Variants in PLSCR4 observed in about 807,000 individuals in gnomAD.
PLSCR4 encodes the protein phospholipid scramblase 4, also known as Ca(2+)-dependent phospholipid scramblase 4.
Under a neutral mutation model 36.3 loss-of-function variants are expected in PLSCR4, and 25 were observed. That is an observed-to-expected ratio of 0.69 (90% CI 0.50 to 0.96). The LOEUF (loss-of-function observed/expected upper bound fraction) is 0.96, where lower values mean the gene tolerates loss of function less well. Ranked by LOEUF, PLSCR4 falls within the 40% of genes least tolerant of loss-of-function variation. The probability of loss-of-function intolerance (pLI) is 0.00; values close to 1 mark genes in which losing one functional copy is unlikely to be tolerated. For synonymous variants in PLSCR4, 122 were observed against 132.9 expected (o/e 0.92, Z 0.56); for missense variants, 408 against 414.7 (o/e 0.98, Z 0.14).
Position 146,195,112 on chromosome 3 carries a change from T to G in PLSCR4, c.945+12A>C, listed in dbSNP as rs375806529. 303 of 1,612,304 alleles carry G rather than the reference T, an allele frequency of 1.9e-4. 3 individuals carry two copies. In the South Asian group the frequency reaches 2.6e-3, roughly 14 times the overall value. On this transcript the variant is annotated intron_variant, in intron 8 of 8. Transcript: ENST00000354952. ...CAACTCTCTCAGGATAACTCAAAAA[T>G]AGAAGGCTTACAATGAGGAAGCAAG...
chr3:146,212,384 T>C (rs748921484), intron 3 of PLSCR4, among the ~76,000 whole-genome samples: 6 of 151,768 alleles, frequency 4.0e-5, no homozygotes, highest in Non-Finnish European at 8.8e-5. Flanking sequence ...CCTAACACAC[T>C]GCTGAACTTG....
At chr3:146,239,383 T>C (rs2036050620) in intron 1 of PLSCR4, among the ~76,000 whole-genome samples, 1 of 152,082 alleles carries the variant, frequency 6.6e-6, no homozygotes, top group Admixed American at 6.6e-5. Context: ...AATAGACATA[T>C]AGACCAAAGG....
At chr3:146,224,015 G>A (rs1201384218) in intron 1 of PLSCR4, among the ~76,000 whole-genome samples, 1 of 149,918 alleles carries the variant, frequency 6.7e-6, no homozygotes, top group Non-Finnish European at 1.5e-5. Flanking sequence ...ACCCAATTCT[G>A]GGCCAGTAAA....
chr3:146,199,909 G>C lies in PLSCR4; in HGVS notation c.528C>G (p.Leu176=). The C allele has an allele frequency of 4.3e-6, 7 of 1,613,622 alleles. No homozygotes were observed. The highest frequency in any genetic ancestry group is 5.9e-6 in the Non-Finnish European group (7 of 1,179,778). ...CTCGGCCCATACAATCAGTGACCCG[G>C]AGGACGAAGGGCCTTAGTGTCCGAT... The part of the protein sequence containing the change: ...NAYRTLRPFV[L]RVTDCMGREI... Residue 176 remains leucine, a synonymous_variant, in exon 6 of 9, where the codon CTC becomes CTG. Coordinates refer to ENST00000354952, the MANE Select transcript of PLSCR4 (RefSeq NM_020353.3).
intron 1 of PLSCR4, among the ~76,000 whole-genome samples, chr3:146,226,165 C>T (rs1576481679): frequency 6.6e-6 from 1 of 152,178 alleles, no homozygotes; most frequent in African/African-American, 2.4e-5. Context: ...CCACAAGGAA[C>T]CCTAAGTTCC....
In PLSCR4 at chr3:146,195,228, C is replaced by G. The variant is rs201600148; in HGVS notation, c.841G>C (p.Gly281Arg). 4.6e-5 allele frequency: 74 copies of G among 1,613,730 alleles called. 1 individual carries two copies. Among genetic ancestry groups the G allele is most frequent in the Non-Finnish European group, 4.7e-5 (55 of 1,179,690 alleles). ...GCATCTGCCATTGCTGATAACAAAC[C>G]ATTCCACTTCCGGATAATACTGCCG... is the stretch of plus-strand genomic sequence containing the variant. The part of the protein sequence containing the change: ...NIGSIIRKWN[G>R]LLSAMADADH... Residue 281 changes from glycine to arginine, a missense_variant, in exon 8 of 9, where the codon GGT (glycine) becomes CGT (arginine). Coordinates refer to ENST00000354952, the MANE Select transcript of PLSCR4 (RefSeq NM_020353.3).
chr3:146,194,537 G>T, intron 8 of PLSCR4, 82 bp from the exon 9 acceptor site: 1 of 842,900 alleles, frequency 1.2e-6, no homozygotes, highest in South Asian at 1.6e-5. Context: ...TAATTTATTA[G>T]GGGATTCCCC....
intron 1 of PLSCR4, among the ~76,000 whole-genome samples, chr3:146,238,174 G>C (rs537011050): frequency 7.3e-5 from 11 of 151,084 alleles, no homozygotes; most frequent in Non-Finnish European, 1.5e-4. Context: ...TGTAATAAGA[G>C]GCTAAATTAG....
intron 7 of PLSCR4, among the ~76,000 whole-genome samples, chr3:146,196,108 A>G (rs1019336105): frequency 1.3e-5 from 2 of 151,946 alleles, no homozygotes; most frequent in Non-Finnish European, 2.9e-5. Context: ...AAACAAAATA[A>G]TTTTTCTTTT....
intron 3 of PLSCR4, among the ~76,000 whole-genome samples, chr3:146,220,088 T>G (rs1211137032): frequency 6.6e-6 from 1 of 152,228 alleles, no homozygotes; most frequent in Non-Finnish European, 1.5e-5. Context: ...AGTGTCTACA[T>G]CATTATGTAA....
rs137929074 is a variant in PLSCR4 at position 146,222,153 on chromosome 3, C to G, written c.-21-61G>C. 2.7e-4 allele frequency: 148 copies of G among 552,302 alleles called. 1 individual carries two copies. Among genetic ancestry groups the G allele is most frequent in the African/African-American group, 2.6e-3 (134 of 50,594 alleles). 34.2% of individuals were successfully genotyped at this position (552,302 alleles called of 1,614,324 possible). On this transcript the variant is annotated intron_variant, in intron 1 of 8. Transcript: ENST00000354952. ...ATACATAATAAATAGTATTGCTACT[C>G]AGTAACACAGGTAAGGATTTCTGTA... is the stretch of plus-strand genomic sequence containing the variant.
rs748735519 is a variant in PLSCR4, at chr3:146,194,424, T to G, written c.977A>C (p.Gln326Pro). Residue 326 changes from glutamine to proline, a missense_variant, in exon 9 of 9, where the codon CAA becomes CCA. Physicochemically the swap from Gln to Pro is moderately conservative, Grantham distance 76. Coordinates refer to ENST00000354952, the MANE Select transcript of PLSCR4 (RefSeq NM_020353.3). ...DFMYFERSPP[Q>P]RSR ...TGCTGTGTCTCTCTATCTTGAACGTTGTGGTGGAGATCTTTCAAAATACAT... is the reference window on the plus strand; with the variant it reads ...TGCTGTGTCTCTCTATCTTGAACGTGGTGGTGGAGATCTTTCAAAATACAT... The G allele has an allele frequency of 1.9e-6, 3 of 1,608,078 alleles. No individual in the cohort carries two copies. The Admixed American group carries it at 5.0e-5, about 27-fold the overall frequency.
intron 1 of PLSCR4, among the ~76,000 whole-genome samples, chr3:146,249,048 T>C (rs1254094574): frequency 6.6e-6 from 1 of 152,146 alleles, no homozygotes; most frequent in Non-Finnish European, 1.5e-5. Context: ...AACTGGGTCA[T>C]TGATTTTGAA....
At chr3:146,225,783 C>T (rs1030673539) in intron 1 of PLSCR4, among the ~76,000 whole-genome samples, 13 of 152,322 alleles carry the variant, frequency 8.5e-5, no homozygotes, top group Admixed American at 2.6e-4. Context: ...GCAAGCGCCG[C>T]ACGCGGTTGC....
intron 1 of PLSCR4, among the ~76,000 whole-genome samples, chr3:146,247,285 A>ATAC (rs1417201237): frequency 6.6e-6 from 1 of 152,184 alleles, no homozygotes; most frequent in Non-Finnish European, 1.5e-5. Flanking sequence ...ATTTTTAAAG[A>ATAC]TACTATCAAA....
intron 1 of PLSCR4, among the ~76,000 whole-genome samples, chr3:146,223,083 A>C (rs1033228894): frequency 2.7e-5 from 3 of 109,254 alleles, no homozygotes; most frequent in Non-Finnish European, 5.9e-5. Flanking sequence ...GTAAGAATTG[A>C]AAGTTTAGAC....
intron 8 of PLSCR4, 88 bp from the exon 9 acceptor site, chr3:146,194,543 TC>T (rs2033609766): frequency 1.3e-6 from 1 of 784,912 alleles, no homozygotes; most frequent in Admixed American, 2.1e-5. Flanking sequence ...ATTAGGGGAT[TC>T]CCCCATTCCA....
At chr3:146,245,235 G>GC (rs1341175292) in intron 1 of PLSCR4, among the ~76,000 whole-genome samples, 1 of 151,778 alleles carries the variant, frequency 6.6e-6, no homozygotes, top group African/African-American at 2.4e-5. Flanking sequence ...TCCCCTCCTG[G>GC]CCCCAACACA....
chr3:146,213,551 G>T (rs1171069524), intron 3 of PLSCR4, among the ~76,000 whole-genome samples: 1 of 152,038 alleles, frequency 6.6e-6, no homozygotes, highest in Admixed American at 6.5e-5. Context: ...TCAAATTCCT[G>T]ACCTCAGGTG....
Sources: gnomAD v4.1 joint callset for allele counts (sites outside exome capture counted in the v4.1 genomes callset) on GRCh38, gnomAD v4.1.1 for gene constraint, MANE v1.5 for transcripts, NCBI Gene and HGNC (gene_info 2026-07-23, HGNC 2026-07-21) for gene names.